Variants in PSG1 observed in about 807,000 individuals in gnomAD.
PSG1 encodes the protein pregnancy specific beta-1-glycoprotein 1, also known as pregnancy-specific beta-1-glycoprotein 1.
In PSG1, 60 loss-of-function variants were observed where a neutral mutation model predicts 41.4. The observed-to-expected ratio is 1.45, with a 90% CI of 1.18 to 1.80. The LOEUF (loss-of-function observed/expected upper bound fraction) is 1.80, where lower values mean the gene tolerates loss of function less well. Ranked by LOEUF, PSG1 falls within the 40% of genes most tolerant of loss-of-function variation. The probability of loss-of-function intolerance (pLI) is 0.00; values close to 1 mark genes in which losing one functional copy is unlikely to be tolerated. For missense variants in PSG1, 806 were observed against 516.9 expected, an observed-to-expected ratio of 1.56 and a Z score of -5.42; for synonymous variants, 256 against 192.9, an observed-to-expected ratio of 1.33 and a Z score of -2.71.
chr19:42,871,958 G>A lies in PSG1; in HGVS notation c.518C>T (p.Thr173Ile). 1 of 1,612,538 alleles carries A rather than the reference G, an allele frequency of 6.2e-7. No homozygotes were observed. Among genetic ancestry groups the A allele is most frequent in the Non-Finnish European group, 8.5e-7 (1 of 1,179,234 alleles). The stretch of plus-strand genomic sequence containing the variant: ...CCACCACAGGTAGCTTGCGTCTGGA[G>A]TCTCAGGGTCACAGGTTAAGCTCAC... ...EAVSLTCDPE[T>I]PDASYLWWMN... The change falls in exon 3 of 6, where the codon ACT (threonine) becomes ATT (isoleucine). Residue 173 changes from threonine to isoleucine, a missense_variant. By Grantham distance (89) the Thr-to-Ile change is moderately conservative (BLOSUM62 -1). Coordinates refer to ENST00000436291, the MANE Select transcript of PSG1 (RefSeq NM_001184825.2).
At chr19:42,877,247 G>T (rs1201208279) in intron 2 of PSG1, among the ~76,000 whole-genome samples, 1 of 151,588 alleles carries the variant, frequency 6.6e-6, no homozygotes, top group Admixed American at 6.6e-5. Flanking sequence ...GTCTTTCTAT[G>T]GACTATCCTA....
intron 2 of PSG1, among the ~76,000 whole-genome samples, chr19:42,874,859 A>G (rs961519161): frequency 3.3e-5 from 5 of 151,052 alleles, no homozygotes; most frequent in African/African-American, 1.2e-4. Context: ...GTGCCCAGCC[A>G]TCTCTGAGGG....
chr19:42,867,102 G>C lies in PSG1; in HGVS notation c.*32C>G. 1 of 772,676 alleles carries C rather than the reference G, an allele frequency of 1.3e-6. No homozygotes were observed. Among genetic ancestry groups the C allele is most frequent in the Non-Finnish European group, 2.4e-6 (1 of 417,528 alleles). The allele number at this position is 772,676 out of a possible 1,614,324, so 47.9% of individuals were successfully genotyped here. A position where few individuals can be genotyped will look rare whatever the true frequency, so the allele number is the denominator to read the frequency against. On this transcript the variant is annotated 3_prime_UTR_variant, in exon 6 of 6. Transcript: ENST00000436291. ...GGGTCTTGCTCTTAGTGATTCCATG[G>C]GAGAAAATGGAATTGGAGGTACTAG... is the stretch of plus-strand genomic sequence containing the variant.
intron 2 of PSG1, among the ~76,000 whole-genome samples, chr19:42,875,766 T>G (rs1971576576): frequency 6.6e-6 from 1 of 151,578 alleles, no homozygotes; most frequent in Admixed American, 6.6e-5. Flanking sequence ...TTGGAGTCAT[T>G]AAAATCTTTC....
At position 42,871,946 on chromosome 19, in the gene PSG1, C is replaced by A. The variant is rs202044072; in HGVS notation, c.530G>T (p.Ser177Ile). 63 of 1,612,512 alleles carry A rather than the reference C, an allele frequency of 3.9e-5. 1 individual carries two copies. In the East Asian group the frequency reaches 1.3e-3, roughly 33 times the overall value. ...CTGACCATTCATCCACCACAGGTAG[C>A]TTGCGTCTGGAGTCTCAGGGTCACA... ...LTCDPETPDA[S>I]YLWWMNGQSL... The change falls in exon 3 of 6, where the codon AGC (serine) becomes ATC (isoleucine). Residue 177 changes from serine to isoleucine, a missense_variant. Ser to Ile is a moderately radical substitution (Grantham distance 142, BLOSUM62 -2). Coordinates refer to ENST00000436291, the MANE Select transcript of PSG1 (RefSeq NM_001184825.2).
intron 2 of PSG1, among the ~76,000 whole-genome samples, chr19:42,875,849 G>A (rs1971581304): frequency 6.9e-6 from 1 of 145,936 alleles, no homozygotes; most frequent in Non-Finnish European, 1.5e-5. Flanking sequence ...TGTGCAGGAG[G>A]CCAGAGGAAC....
In PSG1 at chr19:42,868,746, A is replaced by T. The variant is rs992673608; in HGVS notation, c.988+10T>A. ...GTGTCCTGGCCCACAGAGGAACAAA[A>T]GATACTCACAGAGGACATTCAGGGT... On this transcript the variant is annotated intron_variant, in intron 4 of 5. Transcript: ENST00000436291. 4 of 1,611,292 alleles carry T rather than the reference A, an allele frequency of 2.5e-6. No homozygotes were observed. Among genetic ancestry groups the T allele is most frequent in the Non-Finnish European group, 3.4e-6 (4 of 1,178,458 alleles).
intron 2 of PSG1, among the ~76,000 whole-genome samples, chr19:42,872,791 C>T (rs1971449842): frequency 2.0e-5 from 3 of 151,934 alleles, no homozygotes; most frequent in African/African-American, 7.2e-5. Context: ...GCTCCCTTCC[C>T]CCTGTAGAGG....
rs925833147 is a variant in PSG1, at chr19:42,877,810, G to T, written c.430+103C>A. 1.9e-5 allele frequency: 30 copies of T among 1,594,656 alleles called. 2 individuals carry two copies. In the African/African-American group the frequency reaches 2.3e-4, roughly 12 times the overall value. Reference sequence around the variant, plus strand: ...CCCAAATCCCAGCATGGGACATAACGCAGTGAGTGACACAGGCAGAGTCCA... The same window carrying T: ...CCCAAATCCCAGCATGGGACATAACTCAGTGAGTGACACAGGCAGAGTCCA... On this transcript the variant is annotated intron_variant, in intron 2 of 5. Coordinates refer to ENST00000436291, the MANE Select transcript of PSG1 (RefSeq NM_001184825.2).
At position 42,875,856 on chromosome 19, in the gene PSG1, G is replaced by A. The variant is rs1437815464; in HGVS notation, c.430+2057C>T. ...TTTTTTTTTGTGCAGGAGGCCAGAG[G>A]AACTTGTCTGGCAATTATGAGAGTG... On this transcript the variant is annotated intron_variant, in intron 2 of 5. Coordinates refer to ENST00000436291, the MANE Select transcript of PSG1 (RefSeq NM_001184825.2). Among the ~76,000 whole-genome samples the A allele has an allele frequency of 1.1e-4, 16 of 146,602 alleles. 1 individual carries two copies. The highest frequency in any genetic ancestry group is 1.8e-4 in the Non-Finnish European group (12 of 66,818).
At chr19:42,879,149 T>C (rs1366749320) in intron 1 of PSG1, among the ~76,000 whole-genome samples, 3 of 125,460 alleles carry the variant, frequency 2.4e-5, no homozygotes, top group African/African-American at 1.1e-4. Flanking sequence ...TTCCTTTTTT[T>C]CTTTTTTCTT....
At position 42,872,014 on chromosome 19, in the gene PSG1, G is replaced by T. The variant is rs1600499989; in HGVS notation, c.462C>A (p.Ser154Arg). ...LETPKPSISS[S>R]NLNPRETMEA... is the part of the protein sequence containing the mutation. ...CCATGGTCTCCCTGGGATTTAAGTT[G>T]CTGCTGGAGATGGAGGGCTTAGGAG... is the stretch of plus-strand genomic sequence containing the variant. Residue 154 changes from serine (S) to arginine (R), a missense_variant, in exon 3 of 6, where the codon AGC (serine) becomes AGA (arginine). By Grantham distance (110) the Ser-to-Arg change is moderately radical. Coordinates refer to ENST00000436291, the MANE Select transcript of PSG1 (RefSeq NM_001184825.2). The T allele has an allele frequency of 1.2e-6, 2 of 1,612,332 alleles. No individual in the cohort carries two copies. Among genetic ancestry groups the T allele is most frequent in the Non-Finnish European group, 1.7e-6 (2 of 1,179,138 alleles).
chr19:42,872,207 G>A (rs1256033997), intron 2 of PSG1, among the ~76,000 whole-genome samples, 162 bp from the exon 3 acceptor site: 8 of 151,544 alleles, frequency 5.3e-5, no homozygotes, highest in Admixed American at 3.3e-4. Flanking sequence ...GCAATCTGAG[G>A]GCTCAGAGAT....
In PSG1 at chr19:42,873,438, G is replaced by A. The variant is rs1003808203; in HGVS notation, c.431-1393C>T. On this transcript the variant is annotated intron_variant, in intron 2 of 5. Transcript: ENST00000436291. ...CAATTTGTAACAGTGTAATTTTTCC[G>A]TAAAAATTTGTCAGGAGTTTAGACC... is the stretch of plus-strand genomic sequence containing the variant. Among the ~76,000 whole-genome samples, 138 of 151,560 alleles carry A rather than the reference G, an allele frequency of 9.1e-4. 1 individual carries two copies. The highest frequency in any genetic ancestry group is 3.1e-3 in the African/African-American group (128 of 41,340).
rs1314462001 is a variant in PSG1, at chr19:42,868,855, G to C, written c.889C>G (p.Leu297Val). The change falls in exon 4 of 6, where the codon CTA becomes GTA. Residue 297 changes from leucine to valine, a missense_variant. Physicochemically the swap from Leu to Val is conservative, Grantham distance 32. Coordinates refer to ENST00000436291, the MANE Select transcript of PSG1 (RefSeq NM_001184825.2). The stretch of plus-strand genomic sequence containing the variant: ...GTTTCATTTCTCGTGACACTGGGTA[G>C]AATGAGGATCCTGTTTTCAATGGGT... ...KRPIENRILILPSVTRNETGP... is the reference protein window; with the variant it reads ...KRPIENRILIVPSVTRNETGP... The C allele has an allele frequency of 1.2e-6, 2 of 1,611,078 alleles. No homozygotes were observed. The highest frequency in any genetic ancestry group is 2.7e-5 in the African/African-American group (2 of 74,686).
intron 2 of PSG1, among the ~76,000 whole-genome samples, chr19:42,874,446 ACAC>A (rs1971521765): frequency 6.6e-6 from 1 of 151,472 alleles, no homozygotes; most frequent in Non-Finnish European, 1.5e-5. Flanking sequence ...TCCTGGGTTC[ACAC>A]CATTCTCCTG....
At chr19:42,871,678 T>C in intron 3 of PSG1, 89 bp downstream of exon 3, 2 of 1,611,712 alleles carry the variant, frequency 1.2e-6, no homozygotes, top group South Asian at 1.1e-5. Flanking sequence ...GGTCTCTGTA[T>C]TGGACCTGAG....
chr19:42,872,123 CA>C (rs1971420496), intron 2 of PSG1, 78 bp from the exon 3 acceptor site: 2 of 1,538,438 alleles, frequency 1.3e-6, no homozygotes, highest in African/African-American at 2.8e-5. Context: ...TCAGAATTGG[CA>C]TTTCCCACCT....
rs559233666 is a variant in PSG1 at position 42,871,994 on chromosome 19, G to A, written c.482C>T (p.Thr161Ile). Residue 161 changes from threonine to isoleucine, a missense_variant, in exon 3 of 6, where the codon ACC (threonine) becomes ATC (isoleucine). Transcript: ENST00000436291. ...ACAGGTTAAGCTCACAGCCTCCATGGTCTCCCTGGGATTTAAGTTGCTGCT... is the reference window on the plus strand; with the variant it reads ...ACAGGTTAAGCTCACAGCCTCCATGATCTCCCTGGGATTTAAGTTGCTGCT... Reference protein sequence around the residue: ...ISSSNLNPRETMEAVSLTCDP... With the variant: ...ISSSNLNPREIMEAVSLTCDP... The A allele has an allele frequency of 5.6e-6, 9 of 1,612,444 alleles. No homozygotes were observed. The South Asian group carries it at 7.7e-5, about 14-fold the overall frequency.
Sources: allele counts gnomAD v4.1 joint callset (sites outside exome capture counted in the v4.1 genomes callset), GRCh38; gene constraint gnomAD v4.1.1; transcripts MANE v1.5; gene names NCBI Gene and HGNC (gene_info 2026-07-23, HGNC 2026-07-21).